ENOX1: variants seen among roughly 807,000 people sequenced by gnomAD.
ENOX1 encodes the protein candidate growth-related and time keeping constitutive hydroquinone (NADH) oxidase.
ENOX1 carries 42 observed loss-of-function variants against 82.5 expected under a neutral mutation model. That is an observed-to-expected ratio of 0.51 (90% CI 0.40 to 0.66). The LOEUF (loss-of-function observed/expected upper bound fraction) is 0.66. ENOX1 is among the 30% of genes least tolerant of loss of function. The pLI, the probability that ENOX1 is intolerant of heterozygous loss-of-function variation, is 0.00. For missense variants in ENOX1, 608 were observed against 811.6 expected (o/e 0.75, Z 3.05); for synonymous variants, 271 against 282.2 (o/e 0.96, Z 0.40).
chr13:43,639,824 T>C (rs527753716), intron 2 of ENOX1, among the ~76,000 whole-genome samples: 2 of 152,088 alleles, frequency 1.3e-5, no homozygotes, highest in South Asian at 4.1e-4. Context: ...AGGCCAGGAG[T>C]TCGAGATTAT....
chr13:43,275,047 C>T (rs563612590), intron 12 of ENOX1, among the ~76,000 whole-genome samples: 37 of 152,342 alleles, frequency 2.4e-4, no homozygotes, highest in African/African-American at 8.9e-4. Context: ...TTTCCTACCT[C>T]AACCCGTGGT....
At chr13:43,312,216 C>T (rs916715279) in intron 11 of ENOX1, among the ~76,000 whole-genome samples, 4 of 152,146 alleles carry the variant, frequency 2.6e-5, no homozygotes, top group African/African-American at 4.8e-5. Context: ...ATCAGAATTT[C>T]CCTGAGTCTG....
At chr13:43,570,791 A>C (rs1453811821) in intron 2 of ENOX1, among the ~76,000 whole-genome samples, 1 of 152,090 alleles carries the variant, frequency 6.6e-6, no homozygotes, top group Non-Finnish European at 1.5e-5. Context: ...AGGGATGGAA[A>C]GGTGTGGTGA....
chr13:43,273,482 A>T (rs749629996), intron 12 of ENOX1, among the ~76,000 whole-genome samples: 2 of 152,208 alleles, frequency 1.3e-5, no homozygotes, highest in African/African-American at 4.8e-5. Flanking sequence ...ATGACTTATG[A>T]CAAGTTTACC....
At chr13:43,275,479 G>A (rs1363394366) in intron 12 of ENOX1, among the ~76,000 whole-genome samples, 1 of 152,056 alleles carries the variant, frequency 6.6e-6, no homozygotes, top group Non-Finnish European at 1.5e-5. Context: ...GAACTTCTGT[G>A]GGATGGAGGA....
At chr13:43,644,846 C>T (rs910500048) in intron 2 of ENOX1, among the ~76,000 whole-genome samples, 20 of 152,164 alleles carry the variant, frequency 1.3e-4, no homozygotes, top group African/African-American at 4.6e-4. Flanking sequence ...TGGATCCTTG[C>T]TCTTCCAACA....
At chr13:43,573,402 T>G (rs1000071593) in intron 2 of ENOX1, among the ~76,000 whole-genome samples, 4 of 152,218 alleles carry the variant, frequency 2.6e-5, no homozygotes, top group African/African-American at 9.6e-5. Flanking sequence ...GTTATTTGTC[T>G]GTACCATGGA....
intron 1 of ENOX1, among the ~76,000 whole-genome samples, chr13:43,723,478 C>A (rs536784392): frequency 6.6e-6 from 1 of 152,286 alleles, no homozygotes; most frequent in South Asian, 2.1e-4. Flanking sequence ...CAAATTTCAA[C>A]TGAAAATTAA....
chr13:43,485,369 C>T lies in ENOX1; in HGVS notation c.-218-1217G>A, dbSNP rs1053282044. Reference sequence around the variant, plus strand: ...AGCTTTGGATGCCATAGACTTTTGTCTGTCCTGAACCTTTTAGCTCATGGC... The same window carrying T: ...AGCTTTGGATGCCATAGACTTTTGTTTGTCCTGAACCTTTTAGCTCATGGC... On this transcript the variant is annotated intron_variant, in intron 2 of 16. Coordinates refer to ENST00000690772, the MANE Select transcript of ENOX1 (RefSeq NM_001347969.2). 5.3e-5 allele frequency among the ~76,000 whole-genome samples: 8 copies of T among 152,174 alleles called. No individual in the cohort carries two copies. The East Asian group carries it at 1.5e-3, about 29-fold the overall frequency.
intron 11 of ENOX1, among the ~76,000 whole-genome samples, chr13:43,301,053 T>C (rs1421149646): frequency 6.6e-6 from 1 of 152,214 alleles, no homozygotes; most frequent in Non-Finnish European, 1.5e-5. Flanking sequence ...AGGGATGTTG[T>C]AATAGGGCAA....
chr13:43,246,530 G>C (rs1461061072), intron 14 of ENOX1, among the ~76,000 whole-genome samples: 1 of 152,240 alleles, frequency 6.6e-6, no homozygotes, highest in Non-Finnish European at 1.5e-5. Flanking sequence ...GGGACTGAGG[G>C]GGCTGGCTGG....
chr13:43,316,000 C>A (rs957863316), intron 11 of ENOX1, among the ~76,000 whole-genome samples: 7 of 152,202 alleles, frequency 4.6e-5, no homozygotes, highest in Non-Finnish European at 8.8e-5. Context: ...CCTGGTCATG[C>A]GTCTTAACCT....
chr13:43,451,417 A>C (rs2056959420), intron 3 of ENOX1, among the ~76,000 whole-genome samples: 1 of 152,224 alleles, frequency 6.6e-6, no homozygotes, highest in South Asian at 2.1e-4. Context: ...TCTGATGGAA[A>C]ATGAAAAGTC....
intron 12 of ENOX1, among the ~76,000 whole-genome samples, chr13:43,283,432 T>A (rs1303060156): frequency 6.6e-6 from 1 of 152,002 alleles, no homozygotes; most frequent in Non-Finnish European, 1.5e-5. Context: ...CCCTCTACTT[T>A]GTGTTTATTA....
intron 12 of ENOX1, among the ~76,000 whole-genome samples, chr13:43,295,732 G>A (rs974015705): frequency 1.3e-5 from 2 of 152,140 alleles, no homozygotes; most frequent in Admixed American, 1.3e-4. Flanking sequence ...GAGATTGAAG[G>A]CAGGTTTTAA....
chr13:43,679,553 A>G (rs1440394749), intron 1 of ENOX1, among the ~76,000 whole-genome samples: 1 of 152,184 alleles, frequency 6.6e-6, no homozygotes, highest in East Asian at 1.9e-4. Flanking sequence ...TGGAGATAAA[A>G]ACTATTTGTA....
chr13:43,386,897 C>T (rs112816942), intron 5 of ENOX1, among the ~76,000 whole-genome samples: 5,809 of 152,024 alleles, frequency 0.038, 347 homozygotes, highest in African/African-American at 0.12. Context: ...CAAAACTTGA[C>T]GTGGTAACAT....
chr13:43,253,938 C>T (rs2043603492), intron 14 of ENOX1, among the ~76,000 whole-genome samples: 1 of 152,166 alleles, frequency 6.6e-6, no homozygotes, highest in South Asian at 2.1e-4. Flanking sequence ...TAATTGAGCC[C>T]TCTAGGTTTA....
intron 16 of ENOX1, among the ~76,000 whole-genome samples, chr13:43,217,686 T>C (rs1287204302): frequency 2.0e-5 from 3 of 152,196 alleles, no homozygotes; most frequent in African/African-American, 7.2e-5. Flanking sequence ...TCTTCCAGTT[T>C]AGTAGTTAAG....
Sources: allele counts gnomAD v4.1 joint callset (sites outside exome capture counted in the v4.1 genomes callset), GRCh38; gene constraint gnomAD v4.1.1; transcripts MANE v1.5; gene names NCBI Gene and HGNC (gene_info 2026-07-23, HGNC 2026-07-21).